Variants in ARMS2 observed in about 807,000 individuals in gnomAD.
ARMS2 encodes age-related maculopathy susceptibility 2, also known as age-related maculopathy susceptibility protein 2.
A neutral mutation model predicts 6.0 loss-of-function variants in ARMS2; 4 were observed. That is an observed-to-expected ratio of 0.67 (90% CI 0.33 to 1.53). ARMS2 has a LOEUF of 1.53. Among genes scored for constraint, ARMS2 ranks in the 40% most tolerant of loss-of-function variants. The pLI is 0.06. For missense variants in ARMS2, 99 were observed against 127.6 expected, an observed-to-expected ratio of 0.78 and a Z score of 1.08; for synonymous variants, 49 against 51.7, an observed-to-expected ratio of 0.95 and a Z score of 0.22.
chr10:122,456,881 T>G (rs36213074), intron 1 of ARMS2, 26 bp from the exon 2 acceptor site: 3 of 1,549,678 alleles, frequency 1.9e-6, no homozygotes, highest in Non-Finnish European at 2.6e-6. Context: ...TAAAAATGCA[T>G]ATTACTAAAT....
chr10:122,454,839 C>A lies in ARMS2; in HGVS notation c.112C>A (p.Arg38=), dbSNP rs2736911. 1 of 1,613,854 alleles carries A rather than the reference C, an allele frequency of 6.2e-7. No homozygotes were observed. The highest frequency in any genetic ancestry group is 1.3e-5 in the African/African-American group (1 of 74,996). ...TCCTGTGTCCTTCATTTCCACTCTG[C>A]GAGAGTCTGTGCTGGACCCTGGAGT... is the stretch of plus-strand genomic sequence containing the variant. The part of the protein sequence containing the change: ...VVPVSFISTL[R]ESVLDPGVGG... Residue 38 remains arginine, a synonymous_variant, in exon 1 of 2, where the codon CGA becomes AGA. Transcript: ENST00000528446.
intron 1 of ARMS2, among the ~76,000 whole-genome samples, chr10:122,456,653 C>CAAA (rs111270448): frequency 8.2e-6 from 1 of 122,404 alleles, no homozygotes; most frequent in Non-Finnish European, 1.8e-5. Context: ...GACTCTATCT[C>CAAA]AAAAAAAAAA....
At position 122,457,152 on chromosome 10, in the gene ARMS2, A is replaced by G; in HGVS notation, c.*219A>G. The G allele has an allele frequency of 5.4e-6, 3 of 558,970 alleles. No individual in the cohort carries two copies. In the East Asian group the frequency reaches 8.9e-5, roughly 17 times the overall value. The allele number at this position is 558,970 out of a possible 1,614,324, so 34.6% of individuals were successfully genotyped here. On this transcript the variant is annotated 3_prime_UTR_variant, in exon 2 of 2. Coordinates refer to ENST00000528446, the MANE Select transcript of ARMS2 (RefSeq NM_001099667.3). ...TGGGCGGACTCATCACGTCATCACC[A>G]ATTGGATGCATCTTCTGCTCTGTGC...
chr10:122,457,319 C>G lies in ARMS2; in HGVS notation c.*386C>G. The G allele has an allele frequency of 8.0e-6, 1 of 124,332 alleles. No homozygotes were observed. Among genetic ancestry groups the G allele is most frequent in the Non-Finnish European group, 1.5e-5 (1 of 65,990 alleles). The allele number at this position is 124,332 out of a possible 1,614,324, so 7.7% of individuals were successfully genotyped here. On this transcript the variant is annotated 3_prime_UTR_variant, in exon 2 of 2. Transcript: ENST00000528446. ...TTCTCTCCCGGGTGATAGGCATTAA[C>G]TAAAATTAAATAAAAATTCAGATCA...
At position 122,454,766 on chromosome 10, in the gene ARMS2, G is replaced by C; in HGVS notation, c.39G>C (p.Ala13=). ...ACCCAGGACCGATGGTAACTGAGGCGGAGGGGAAAGGAGGGCCTGAGATGG... is the reference window on the plus strand; with the variant it reads ...ACCCAGGACCGATGGTAACTGAGGCCGAGGGGAAAGGAGGGCCTGAGATGG... The part of the protein sequence containing the change: ...RLYPGPMVTE[A]EGKGGPEMAS... The change falls in exon 1 of 2, where the codon GCG becomes GCC. Residue 13 remains alanine, a synonymous_variant. Transcript: ENST00000528446. The C allele has an allele frequency of 6.2e-7, 1 of 1,613,968 alleles. No individual in the cohort carries two copies. Among genetic ancestry groups the C allele is most frequent in the Non-Finnish European group, 8.5e-7 (1 of 1,179,880 alleles).
In ARMS2 at chr10:122,457,285, T is replaced by G. The variant is rs2097477933; in HGVS notation, c.*352T>G. ...TCCTGTCATCCTGCCTTTGTTTTCT[T>G]GCCCTCCTTTCTCTCCCGGGTGATA... On this transcript the variant is annotated 3_prime_UTR_variant, in exon 2 of 2. Coordinates refer to ENST00000528446, the MANE Select transcript of ARMS2 (RefSeq NM_001099667.3). The G allele has an allele frequency of 3.7e-6, 1 of 271,956 alleles. No homozygotes were observed. The highest frequency in any genetic ancestry group is 2.2e-5 in the African/African-American group (1 of 45,554). The allele number at this position is 271,956 out of a possible 1,614,324, so 16.8% of individuals were successfully genotyped here. A position where few individuals can be genotyped will look rare whatever the true frequency, so the allele number is the denominator to read the frequency against.
Position 122,456,893 on chromosome 10 carries a change from TA to T in ARMS2, c.298-13del, listed in dbSNP as rs2097477589. The T allele has an allele frequency of 3.2e-6, 5 of 1,543,982 alleles. No individual in the cohort carries two copies. The highest frequency in any genetic ancestry group is 1.2e-5 in the South Asian group (1 of 83,202). ...CTTTAAAAATGCATATTACTAAATCTATTTTTTTTTCAGTCTATCATCCACA... is the reference window on the plus strand; with the variant it reads ...CTTTAAAAATGCATATTACTAAATCTTTTTTTTTTCAGTCTATCATCCACA... On this transcript the variant is annotated splice_polypyrimidine_tract_variant and intron_variant, in intron 1 of 1. Transcript: ENST00000528446.
chr10:122,454,712 T>G lies in ARMS2; in HGVS notation c.-16T>G, dbSNP rs749221483. On this transcript the variant is annotated 5_prime_UTR_variant, in exon 1 of 2. The change abolishes an upstream ATG in the 5' untranslated region. Coordinates refer to ENST00000528446, the MANE Select transcript of ARMS2 (RefSeq NM_001099667.3). ...GGACAGCACCTTTGTCACCACATTATGTCCCTGTACCCTACATGCTGCGCC... is the reference window on the plus strand; with the variant it reads ...GGACAGCACCTTTGTCACCACATTAGGTCCCTGTACCCTACATGCTGCGCC... 2 of 1,609,008 alleles carry G rather than the reference T, an allele frequency of 1.2e-6. No individual in the cohort carries two copies. The highest frequency in any genetic ancestry group is 1.7e-6 in the Non-Finnish European group (2 of 1,176,506).
chr10:122,456,110 T>C (rs549451803), intron 1 of ARMS2, among the ~76,000 whole-genome samples: 3 of 152,024 alleles, frequency 2.0e-5, no homozygotes, highest in Admixed American at 6.6e-5. Context: ...GAATTATAGA[T>C]CTTAACAAAT....
At chr10:122,456,742 C>A (rs1373254661) in intron 1 of ARMS2, among the ~76,000 whole-genome samples, 165 bp from the exon 2 acceptor site, 1 of 151,934 alleles carries the variant, frequency 6.6e-6, no homozygotes, top group African/African-American at 2.4e-5. Context: ...TTGAAGAGAT[C>A]ATACAGAAAT....
chr10:122,456,651 CT>C (rs1459932944), intron 1 of ARMS2, among the ~76,000 whole-genome samples: 1 of 133,870 alleles, frequency 7.5e-6, no homozygotes, highest in African/African-American at 2.8e-5. Flanking sequence ...GAGACTCTAT[CT>C]CAAAAAAAAA....
Position 122,454,762 on chromosome 10 carries a change from AGGC to A in ARMS2, c.38_40del (p.Ala13del). ...CTATACCCAGGACCGATGGTAACTGAGGCGGAGGGGAAAGGAGGGCCTGAGATG... is the reference window on the plus strand; with the variant it reads ...CTATACCCAGGACCGATGGTAACTGAGGAGGGGAAAGGAGGGCCTGAGATG... On this transcript the variant is annotated inframe_deletion, in exon 1 of 2. Coordinates refer to ENST00000528446, the MANE Select transcript of ARMS2 (RefSeq NM_001099667.3). 1 of 1,613,920 alleles carries A rather than the reference AGGC, an allele frequency of 6.2e-7. No individual in the cohort carries two copies.
At chr10:122,456,221 G>A (rs1391875459) in intron 1 of ARMS2, among the ~76,000 whole-genome samples, 1 of 151,296 alleles carries the variant, frequency 6.6e-6, no homozygotes, top group Non-Finnish European at 1.5e-5. Context: ...GTTTTGATTT[G>A]ATATTAGAAA....
Position 122,457,086 on chromosome 10 carries a change from C to T in ARMS2, c.*153C>T, listed in dbSNP as rs1013328772. Reference sequence around the variant, plus strand: ...CCTCAACTGTCCACAGGACTCTCTTCCCACCTGCGGCCACACTGTGCAACC... The same window carrying T: ...CCTCAACTGTCCACAGGACTCTCTTTCCACCTGCGGCCACACTGTGCAACC... On this transcript the variant is annotated 3_prime_UTR_variant, in exon 2 of 2. Coordinates refer to ENST00000528446, the MANE Select transcript of ARMS2 (RefSeq NM_001099667.3). 7.0e-6 allele frequency: 7 copies of T among 999,384 alleles called. No individual in the cohort carries two copies. The East Asian group carries it at 1.9e-4, about 26-fold the overall frequency. 61.9% of individuals were successfully genotyped at this position (999,384 alleles called of 1,614,324 possible).
Position 122,454,772 on chromosome 10 carries a change from G to T in ARMS2, c.45G>T (p.Gly15=). The change falls in exon 1 of 2, where the codon GGG becomes GGT. Residue 15 remains glycine, a synonymous_variant. Transcript: ENST00000528446. ...YPGPMVTEAE[G]KGGPEMASLS... ...GACCGATGGTAACTGAGGCGGAGGG[G>T]AAAGGAGGGCCTGAGATGGCAAGTC... is the stretch of plus-strand genomic sequence containing the variant. The T allele has an allele frequency of 1.9e-6, 3 of 1,613,988 alleles. No individual in the cohort carries two copies. Among genetic ancestry groups the T allele is most frequent in the Non-Finnish European group, 2.5e-6 (3 of 1,179,880 alleles).
chr10:122,456,678 A>G (rs1211501888), intron 1 of ARMS2, among the ~76,000 whole-genome samples: 1 of 152,134 alleles, frequency 6.6e-6, no homozygotes, highest in Non-Finnish European at 1.5e-5. Context: ...AAAGTTCTCA[A>G]AAGTATTTTG....
Position 122,454,722 on chromosome 10 carries a change from C to CCCTA in ARMS2, c.-4_-1dup. ...TTTGTCACCACATTATGTCCCTGTA[C>CCCTA]CCTACATGCTGCGCCTATACCCAGG... On this transcript the variant is annotated 5_prime_UTR_variant, in exon 1 of 2. Coordinates refer to ENST00000528446, the MANE Select transcript of ARMS2 (RefSeq NM_001099667.3). The CCCTA allele has an allele frequency of 6.2e-7, 1 of 1,613,308 alleles. No homozygotes were observed. The highest frequency in any genetic ancestry group is 8.5e-7 in the Non-Finnish European group (1 of 1,179,732).
At chr10:122,455,233 A>G (rs1247647655) in intron 1 of ARMS2, among the ~76,000 whole-genome samples, 3 of 152,196 alleles carry the variant, frequency 2.0e-5, no homozygotes, top group African/African-American at 2.4e-5. Flanking sequence ...AATACTTCCA[A>G]TGCACCTGCT....
intron 1 of ARMS2, among the ~76,000 whole-genome samples, chr10:122,456,575 A>T (rs1463767525): frequency 5.9e-5 from 9 of 151,664 alleles, no homozygotes; most frequent in African/African-American, 9.7e-5. Flanking sequence ...AATCGCTAGA[A>T]CCTGGGAGGT....
Sources: gnomAD v4.1 joint callset for allele counts (sites outside exome capture counted in the v4.1 genomes callset) on GRCh38, gnomAD v4.1.1 for gene constraint, MANE v1.5 for transcripts, NCBI Gene and HGNC (gene_info 2026-07-23, HGNC 2026-07-21) for gene names.